Variants in BBS4 observed in about 807,000 individuals in gnomAD.
The protein encoded by BBS4 is BBSome complex member BBS4.
In BBS4, 58 loss-of-function variants were observed where a neutral mutation model predicts 71.4. The ratio of observed to expected loss-of-function variants is 0.81; its 90% CI spans 0.66 to 1.01. The LOEUF is 1.01. Ranked by LOEUF, BBS4 falls within the 50% of genes least tolerant of loss-of-function variation. The probability of loss-of-function intolerance (pLI) is 0.00; values close to 1 mark genes in which losing one functional copy is unlikely to be tolerated. For synonymous variants in BBS4, 228 were observed against 216.8 expected (o/e 1.05, Z -0.46); for missense variants, 660 against 607.9 (o/e 1.09, Z -0.90).
At position 72,731,458 on chromosome 15, in the gene BBS4, G is replaced by C. The variant is rs2151047618; in HGVS notation, c.864+1G>C. On this transcript the variant is annotated splice_donor_variant, in intron 11 of 15. Transcript: ENST00000268057. LOFTEE classifies it high-confidence loss of function. ...CTTTGGCAAGAAGAAATATGTGGCGGTGAGTGTCCCCTCATGTTCTTTGTT... is the reference window on the plus strand; with the variant it reads ...CTTTGGCAAGAAGAAATATGTGGCGCTGAGTGTCCCCTCATGTTCTTTGTT... 6.2e-7 allele frequency: 1 copy of C among 1,614,182 alleles called. No individual in the cohort carries two copies. Among genetic ancestry groups the C allele is most frequent in the Non-Finnish European group, 8.5e-7 (1 of 1,180,042 alleles).
intron 14 of BBS4, 38 bp from the exon 15 acceptor site, chr15:72,736,724 C>T (rs761821776): frequency 1.9e-6 from 3 of 1,607,044 alleles, no homozygotes; most frequent in East Asian, 4.5e-5. Flanking sequence ...CTCTGACAGT[C>T]ACGCTTTTGA....
chr15:72,737,438 T>C, intron 15 of BBS4, 40 bp from the exon 16 acceptor site: 1 of 1,513,254 alleles, frequency 6.6e-7, no homozygotes, highest in Non-Finnish European at 9.1e-7. Flanking sequence ...TCTTCTGAAA[T>C]TGTGGAACAT....
Position 72,736,809 on chromosome 15 carries a change from G to C in BBS4, c.1296G>C (p.Glu432Asp). The C allele has an allele frequency of 6.2e-7, 1 of 1,614,240 alleles. No individual in the cohort carries two copies. Among genetic ancestry groups the C allele is most frequent in the Non-Finnish European group, 8.5e-7 (1 of 1,180,042 alleles). ...QKLGAALQVG[E>D]ALVWTKPVKD... The stretch of plus-strand genomic sequence containing the variant: ...TGGGAGCTGCTCTCCAGGTTGGGGA[G>C]GCACTGGTCTGGACCAAACCAGTTA... Residue 432 changes from glutamate to aspartate, a missense_variant, in exon 15 of 16, where the codon GAG becomes GAC. By Grantham distance (45) the Glu-to-Asp change is conservative. Coordinates refer to ENST00000268057, the MANE Select transcript of BBS4 (RefSeq NM_033028.5).
intron 2 of BBS4, among the ~76,000 whole-genome samples, chr15:72,701,058 C>T (rs1187912741): frequency 6.6e-6 from 1 of 152,046 alleles, no homozygotes; most frequent in Non-Finnish European, 1.5e-5. Flanking sequence ...ATGTAATCAC[C>T]ATCTAGATTA....
intron 2 of BBS4, among the ~76,000 whole-genome samples, chr15:72,700,832 G>C (rs1006214425): frequency 6.6e-6 from 1 of 152,000 alleles, no homozygotes; most frequent in South Asian, 2.1e-4. Flanking sequence ...TCTCTGTCTT[G>C]TCTAGGAAAT....
At chr15:72,689,606 G>A (rs1335625263) in intron 1 of BBS4, among the ~76,000 whole-genome samples, 1 of 151,834 alleles carries the variant, frequency 6.6e-6, no homozygotes, top group South Asian at 2.1e-4. Flanking sequence ...GGTGGCACGC[G>A]CCTGTCTTCC....
Position 72,692,679 on chromosome 15 carries a change from C to T in BBS4, c.25-2498C>T, listed in dbSNP as rs146188158. 2.3e-3 allele frequency among the ~76,000 whole-genome samples: 344 copies of T among 150,908 alleles called. 1 individual carries two copies. The highest frequency in any genetic ancestry group is 7.9e-3 in the African/African-American group (325 of 40,930). On this transcript the variant is annotated intron_variant, in intron 1 of 15. Transcript: ENST00000268057. Reference sequence around the variant, plus strand: ...GGTCCAATCATGGCTTGCTGCAACTCCGCTTCCTGGGCTTAAGAGATCCTC... The same window carrying T: ...GGTCCAATCATGGCTTGCTGCAACTTCGCTTCCTGGGCTTAAGAGATCCTC...
chr15:72,727,596 G>A (rs2065727248), intron 8 of BBS4, among the ~76,000 whole-genome samples: 1 of 152,146 alleles, frequency 6.6e-6, no homozygotes, highest in South Asian at 2.1e-4. Context: ...GTGAAACTGT[G>A]TGTGTTCTAG....
intron 1 of BBS4, among the ~76,000 whole-genome samples, chr15:72,688,416 T>TC (rs895289716): frequency 4.0e-5 from 5 of 126,406 alleles, no homozygotes; most frequent in African/African-American, 1.5e-4. Flanking sequence ...TTTATCTTTT[T>TC]TTTTTTTTTT....
At chr15:72,719,390 G>T (rs1210958435) in intron 6 of BBS4, among the ~76,000 whole-genome samples, 1 of 151,756 alleles carries the variant, frequency 6.6e-6, no homozygotes, top group Admixed American at 6.6e-5. Flanking sequence ...GAGTAGCTGG[G>T]GCTACAGGTG....
rs1464593612 is a variant in BBS4, at chr15:72,738,280, T to G, written c.*693T>G. On this transcript the variant is annotated 3_prime_UTR_variant, in exon 16 of 16. Coordinates refer to ENST00000268057, the MANE Select transcript of BBS4 (RefSeq NM_033028.5). ...GGCTTGTCTGGATCAGCACCAACGA[T>G]TTTAAAGAAAAAAGGAAGAGTTTCT... 2.2e-6 allele frequency: 1 copy of G among 454,028 alleles called. No homozygotes were observed. Among genetic ancestry groups the G allele is most frequent in the East Asian group, 7.0e-5 (1 of 14,384 alleles). 28.1% of individuals were successfully genotyped at this position (454,028 alleles called of 1,614,324 possible).
At chr15:72,737,012 G>A (rs752116935) in intron 15 of BBS4, 49 bp downstream of exon 15, 3 of 1,580,012 alleles carry the variant, frequency 1.9e-6, no homozygotes, top group African/African-American at 1.3e-5. Flanking sequence ...CAAGCCACAT[G>A]TGTCTGTCAG....
chr15:72,727,853 A>G lies in BBS4; in HGVS notation c.588-87A>G, dbSNP rs908279233. 66 of 1,012,480 alleles carry G rather than the reference A, an allele frequency of 6.5e-5. 1 individual carries two copies. Among genetic ancestry groups the G allele is most frequent in the Middle Eastern group, 2.0e-4 (1 of 4,904 alleles). 62.7% of individuals were successfully genotyped at this position (1,012,480 alleles called of 1,614,324 possible). On this transcript the variant is annotated intron_variant, in intron 8 of 15. Coordinates refer to ENST00000268057, the MANE Select transcript of BBS4 (RefSeq NM_033028.5). Reference sequence around the variant, plus strand: ...GGAAGAGGCTCAGTGGGGTCTGTCAAGTATTGCACGAGGGCATATTACTGT... The same window carrying G: ...GGAAGAGGCTCAGTGGGGTCTGTCAGGTATTGCACGAGGGCATATTACTGT...
intron 2 of BBS4, chr15:72,697,947 A>G (rs1389614267): frequency 2.2e-6 from 1 of 455,770 alleles, no homozygotes; most frequent in Non-Finnish European, 4.4e-6. Flanking sequence ...ATGCTACATG[A>G]GGCTACTGAA....
At chr15:72,717,670 A>G (rs926597545) in intron 6 of BBS4, among the ~76,000 whole-genome samples, 1 of 152,102 alleles carries the variant, frequency 6.6e-6, no homozygotes, top group Non-Finnish European at 1.5e-5. Context: ...TCACACTGCC[A>G]CTCTAAACAA....
intron 6 of BBS4, among the ~76,000 whole-genome samples, chr15:72,718,672 C>T (rs1163479745): frequency 2.6e-5 from 4 of 152,062 alleles, no homozygotes; most frequent in African/African-American, 9.7e-5. Context: ...TTCATTCAGT[C>T]GGTTTTTCAA....
chr15:72,716,964 C>G (rs2065478426), intron 6 of BBS4, 114 bp downstream of exon 6: 4 of 788,796 alleles, frequency 5.1e-6, no homozygotes, highest in South Asian at 4.6e-5. Flanking sequence ...TGATTTTAAC[C>G]TCATACTTAA....
At chr15:72,725,852 TTTCCCCA>T (rs1235464742) in intron 8 of BBS4, among the ~76,000 whole-genome samples, 112 of 2,804 alleles carry the variant, frequency 0.04, 28 homozygotes, top group Non-Finnish European at 0.06. Context: ...CCCATCCCCC[TTTCCCCA>T]TCCCCCTTTC....
At chr15:72,701,096 A>G (rs1318401414) in intron 2 of BBS4, among the ~76,000 whole-genome samples, 1 of 152,172 alleles carries the variant, frequency 6.6e-6, no homozygotes, top group Non-Finnish European at 1.5e-5. Context: ...AGTGCCCTCC[A>G]GGCCGCCTCC....
Sources: gnomAD v4.1 joint callset for allele counts (sites outside exome capture counted in the v4.1 genomes callset) on GRCh38, gnomAD v4.1.1 for gene constraint, MANE v1.5 for transcripts, NCBI Gene and HGNC (gene_info 2026-07-23, HGNC 2026-07-21) for gene names.